The following OTOF variants were observed in gnomAD, a reference collection of about 807,000 sequenced individuals.
The protein encoded by OTOF is otoferlin, also known as fer-1-like family member 2.
A neutral mutation model predicts 236.8 loss-of-function variants in OTOF; 218 were observed. That is an observed-to-expected ratio of 0.92 (90% CI 0.82 to 1.03). OTOF has a LOEUF of 1.03. OTOF is among the 50% of genes least tolerant of loss of function. The pLI, the probability that OTOF is intolerant of heterozygous loss-of-function variation, is 0.00. For synonymous variants in OTOF, 1,041 were observed against 1,072.5 expected, an observed-to-expected ratio of 0.97 and a Z score of 0.57; for missense variants, 2,590 against 2,694.4, an observed-to-expected ratio of 0.96 and a Z score of 0.86.
chr2:26,521,975 G>C (rs371062100), intron 3 of OTOF, among the ~76,000 whole-genome samples: 2 of 152,152 alleles, frequency 1.3e-5, no homozygotes, highest in East Asian at 3.9e-4. Context: ...TGGCCATCTG[G>C]AGAGCCTACA....
chr2:26,475,814 G>T lies in OTOF; in HGVS notation c.2991+100C>A, dbSNP rs6712188. On this transcript the variant is annotated intron_variant, in intron 24 of 46. Transcript: ENST00000272371. ...GGCACTGGCTGACCTGTGGCTCCAGGCCCCACAGGCTCACAGGCCCCACAG... is the reference window on the plus strand; with the variant it reads ...GGCACTGGCTGACCTGTGGCTCCAGTCCCCACAGGCTCACAGGCCCCACAG... 0.41 allele frequency: 594,610 copies of T among 1,455,304 alleles called. 128,516 individuals carry two copies. The highest frequency in any genetic ancestry group is 0.83 in the East Asian group (33,450 of 40,256). 90.1% of individuals were successfully genotyped at this position (1,455,304 alleles called of 1,614,324 possible).
At position 26,476,928 on chromosome 2, in the gene OTOF, C is replaced by T; in HGVS notation, c.2639G>A (p.Gly880Asp). Residue 880 changes from glycine to aspartate, a missense_variant, in exon 22 of 47, where the codon GGC (glycine) becomes GAC (aspartate). By Grantham distance (94) the Gly-to-Asp change is moderately conservative (BLOSUM62 -1). This residue lies in a region of OTOF where 1,379 missense variants were observed against 1,341.6 expected (regional missense o/e 1.03). Coordinates refer to ENST00000272371, the MANE Select transcript of OTOF (RefSeq NM_194248.3). ...LLFSIVEEET[G>D]KDCAKVKTLF... The stretch of plus-strand genomic sequence containing the variant: ...CGTCTTGACCTTGGCGCAGTCCTTG[C>T]CAGTCTCCTCCTCCACGATGGAGAA... 1 of 1,611,440 alleles carries T rather than the reference C, an allele frequency of 6.2e-7. No individual in the cohort carries two copies. Among genetic ancestry groups the T allele is most frequent in the Non-Finnish European group, 8.5e-7 (1 of 1,179,656 alleles).
rs753080614 is a variant in OTOF at position 26,473,153 on chromosome 2, C to T, written c.3712G>A (p.Ala1238Thr). 4.3e-6 allele frequency: 7 copies of T among 1,612,408 alleles called. 1 individual carries two copies. The South Asian group carries it at 5.5e-5, about 13-fold the overall frequency. ...ATACCCGTGGTGTTCCAGCTGGGGG[C>T]CGAGCGGTCTGGGGGCCGGTAGATG... ...RFIYRPPDRS[A>T]PSWNTTVRLL... The change falls in exon 29 of 47, where the codon GCC becomes ACC. Residue 1238 changes from alanine (A) to threonine (T), a missense_variant. This residue lies in a region of OTOF where 1,211 missense variants were observed against 1,352.8 expected (regional missense o/e 0.90). Coordinates refer to ENST00000272371, the MANE Select transcript of OTOF (RefSeq NM_194248.3). The surrounding 1 kb of genome is among the most constrained non-coding windows in gnomAD (Gnocchi z 7.2).
At chr2:26,497,375 G>C (rs1350420431) in intron 8 of OTOF, among the ~76,000 whole-genome samples, 1 of 152,128 alleles carries the variant, frequency 6.6e-6, no homozygotes, top group Non-Finnish European at 1.5e-5. Context: ...AATTACAGGC[G>C]TGAGCCACTG....
chr2:26,474,394 G>T, intron 26 of OTOF, 119 bp downstream of exon 26: 1 of 150,292 alleles, frequency 6.7e-6, no homozygotes, highest in Non-Finnish European at 1.2e-5. Flanking sequence ...CCAGCCCCCA[G>T]GCCCCACCCC....
rs1312224602 is a variant in OTOF, at chr2:26,519,763, G to A, written c.228-654C>T. ...AACTTCCTTAAGCTCTCTCAGTGTC[G>A]GTTTTCTCATAAGATGAGCTGATAA... On this transcript the variant is annotated intron_variant, in intron 3 of 46. Transcript: ENST00000272371. Among the ~76,000 whole-genome samples the A allele has an allele frequency of 3.3e-5, 5 of 152,132 alleles. No individual in the cohort carries two copies. The South Asian group carries it at 6.2e-4, about 19-fold the overall frequency.
At chr2:26,522,233 A>T (rs1666694387) in intron 3 of OTOF, among the ~76,000 whole-genome samples, 1 of 152,362 alleles carries the variant, frequency 6.6e-6, no homozygotes, top group South Asian at 2.1e-4. Context: ...ATATTTTTTG[A>T]CATGGACAAT....
Position 26,477,693 on chromosome 2 carries a change from C to G in OTOF, c.2271G>C (p.Glu757Asp). 6.2e-7 allele frequency: 1 copy of G among 1,612,700 alleles called. No homozygotes were observed. Among genetic ancestry groups the G allele is most frequent in the Non-Finnish European group, 8.5e-7 (1 of 1,179,988 alleles). ...EMIKTEKSYPERRLRGVLEEL... is the reference protein window; with the variant it reads ...EMIKTEKSYPDRRLRGVLEEL... The stretch of plus-strand genomic sequence containing the variant: ...CCTCCAGGACGCCCCGCAGGCGACG[C>G]TCAGGGTAGGACTTCTCCGTTTTGA... The change falls in exon 19 of 47, where the codon GAG becomes GAC. Residue 757 changes from glutamate to aspartate, a missense_variant. By Grantham distance (45) the Glu-to-Asp change is conservative. This residue lies in a region of OTOF where 1,379 missense variants were observed against 1,341.6 expected (regional missense o/e 1.03). Transcript: ENST00000272371. This position sits in a 1 kb window ranked among gnomAD's most constrained non-coding sequence, Gnocchi z 4.7.
chr2:26,471,126 C>T lies in OTOF; in HGVS notation c.3889G>A (p.Asp1297Asn). 23 of 1,614,116 alleles carry T rather than the reference C, an allele frequency of 1.4e-5. No homozygotes were observed. Among genetic ancestry groups the T allele is most frequent in the Non-Finnish European group, 1.9e-5 (22 of 1,180,012 alleles). ...TGCATGGCCCCCACACTCACCACATCCACCTTGACAACAGCTTCAGAAGTC... is the reference window on the plus strand; with the variant it reads ...TGCATGGCCCCCACACTCACCACATTCACCTTGACAACAGCTTCAGAAGTC... ...DATSEAVVKV[D>N]VAEEEKEKKK... The change falls in exon 31 of 47, where the codon GAT (aspartate) becomes AAT (asparagine). Residue 1297 changes from aspartate to asparagine, a missense_variant. Physicochemically the swap from Asp to Asn is conservative, Grantham distance 23. Transcript: ENST00000272371.
At position 26,473,956 on chromosome 2, in the gene OTOF, A is replaced by C; in HGVS notation, c.3408+35T>G. 1 of 1,612,498 alleles carries C rather than the reference A, an allele frequency of 6.2e-7. No individual in the cohort carries two copies. Among genetic ancestry groups the C allele is most frequent in the Non-Finnish European group, 8.5e-7 (1 of 1,179,748 alleles). The stretch of plus-strand genomic sequence containing the variant: ...CCCCTCCTGGGTCCTCAGACTCCTC[A>C]TCCAAAAGGGAAGGGCCACACAGAG... On this transcript the variant is annotated intron_variant, in intron 27 of 46. Coordinates refer to ENST00000272371, the MANE Select transcript of OTOF (RefSeq NM_194248.3). This position sits in a 1 kb window ranked among gnomAD's most constrained non-coding sequence, Gnocchi z 7.2.
In OTOF at chr2:26,466,850, C is replaced by A; in HGVS notation, c.4364G>T (p.Gly1455Val). Residue 1455 changes from glycine (G) to valine (V), a missense_variant and splice_region_variant, in exon 36 of 47, where the codon GGC becomes GTC. Gly to Val is a moderately radical substitution (Grantham distance 109, BLOSUM62 -3). This residue lies in a region of OTOF where 1,211 missense variants were observed against 1,352.8 expected (regional missense o/e 0.90). Transcript: ENST00000272371. ...EEERIVGRFK[G>V]SLCVYKVPLP... ...TGGCACTTTGTACACGCAGAGGGAGCCCTGGGCAAGACAAATGTGGGTCAG... is the reference window on the plus strand; with the variant it reads ...TGGCACTTTGTACACGCAGAGGGAGACCTGGGCAAGACAAATGTGGGTCAG... 6.2e-7 allele frequency: 1 copy of A among 1,614,160 alleles called. No homozygotes were observed. Among genetic ancestry groups the A allele is most frequent in the Non-Finnish European group, 8.5e-7 (1 of 1,180,026 alleles).
chr2:26,542,553 G>C (rs770225920), intron 1 of OTOF, among the ~76,000 whole-genome samples: 1 of 152,194 alleles, frequency 6.6e-6, no homozygotes, highest in East Asian at 1.9e-4. Flanking sequence ...AGAGGCACAC[G>C]CATTGACGCT....
At position 26,473,568 on chromosome 2, in the gene OTOF, C is replaced by G. The variant is rs541334347; in HGVS notation, c.3409-1G>C. 1.1e-5 allele frequency: 18 copies of G among 1,602,394 alleles called. No individual in the cohort carries two copies. Among genetic ancestry groups the G allele is most frequent in the Non-Finnish European group, 1.5e-5 (18 of 1,176,432 alleles). On this transcript the variant is annotated splice_acceptor_variant, in intron 27 of 46. Coordinates refer to ENST00000272371, the MANE Select transcript of OTOF (RefSeq NM_194248.3). LOFTEE classifies it high-confidence loss of function. The surrounding 1 kb of genome is among the most constrained non-coding windows in gnomAD (Gnocchi z 7.2). ...GGTCCCGTAGGCCCCAGAACAGCAC[C>G]TGGGAGAGGTTGGAGGGTGGGTGCA...
At position 26,510,616 on chromosome 2, in the gene OTOF, G is replaced by T. The variant is rs904642782; in HGVS notation, c.509+5802C>A. 5.9e-6 allele frequency: 5 copies of T among 845,624 alleles called. No homozygotes were observed. The African/African-American group carries it at 7.0e-5, about 12-fold the overall frequency. 52.4% of individuals were successfully genotyped at this position (845,624 alleles called of 1,614,324 possible). ...AGCCCACTCCTGAGCCCTCTCAGCC[G>T]AGCCCATCCCGCCCTCCACAGCCTG... On this transcript the variant is annotated intron_variant, in intron 5 of 46. Coordinates refer to ENST00000272371, the MANE Select transcript of OTOF (RefSeq NM_194248.3).
rs10207965 is a variant in OTOF at position 26,535,853 on chromosome 2, C to T, written c.138+1863G>A. On this transcript the variant is annotated intron_variant, in intron 2 of 46. Coordinates refer to ENST00000272371, the MANE Select transcript of OTOF (RefSeq NM_194248.3). ...GGCTGGGCGGAGTTGGGAAGAGGAA[C>T]GACATGGTGATTAACTTTGAATGTC... 3.8e-3 allele frequency among the ~76,000 whole-genome samples: 584 copies of T among 152,284 alleles called. 5 individuals are homozygous for T. Among genetic ancestry groups the T allele is most frequent in the African/African-American group, 0.013 (559 of 41,556 alleles).
Position 26,463,507 on chromosome 2 carries a change from T to C in OTOF, c.5168A>G (p.Asp1723Gly). ...CTTCTTGGGCTTCCGAGGTGAGATGTCCAGAGGCGTCCCAGGGGCTGGCAT... is the reference window on the plus strand; with the variant it reads ...CTTCTTGGGCTTCCGAGGTGAGATGCCCAGAGGCGTCCCAGGGGCTGGCAT... ...MDMPAPGTPL[D>G]ISPRKPKKYE... The change falls in exon 41 of 47, where the codon GAC (aspartate) becomes GGC (glycine). Residue 1723 changes from aspartate (D) to glycine (G), a missense_variant. Physicochemically the swap from Asp to Gly is moderately conservative, Grantham distance 94. Transcript: ENST00000272371. 1 of 1,607,628 alleles carries C rather than the reference T, an allele frequency of 6.2e-7. No individual in the cohort carries two copies. The highest frequency in any genetic ancestry group is 8.5e-7 in the Non-Finnish European group (1 of 1,177,418).
chr2:26,457,784 G>C lies in OTOF; in HGVS notation c.*454C>G, dbSNP rs1572393881. 1 of 514,610 alleles carries C rather than the reference G, an allele frequency of 1.9e-6. No homozygotes were observed. The highest frequency in any genetic ancestry group is 1.9e-5 in the African/African-American group (1 of 52,368). 31.9% of individuals were successfully genotyped at this position (514,610 alleles called of 1,614,324 possible). A position where few individuals can be genotyped will look rare whatever the true frequency, so the allele number is the denominator to read the frequency against. On this transcript the variant is annotated 3_prime_UTR_variant, in exon 47 of 47. Transcript: ENST00000272371. This position sits in a 1 kb window ranked among gnomAD's most constrained non-coding sequence, Gnocchi z 4.4. ...GTGGCGCCTCAGCCAGGTGGGGCAA[G>C]AGAGACCCATTCCAGGTCCCCACCC...
chr2:26,481,865 G>C (rs1278411373), intron 14 of OTOF, among the ~76,000 whole-genome samples: 4 of 152,008 alleles, frequency 2.6e-5, no homozygotes, highest in Non-Finnish European at 5.9e-5. Context: ...TGTGTCTTCT[G>C]CCTTATGTTT....
At position 26,462,194 on chromosome 2, in the gene OTOF, A is replaced by G; in HGVS notation, c.5193-13T>C. ...CCGCAGCTCGTACCTGGGCCCAGGG[A>G]GAGAAGGCTGGTTAGCAGCCCCAGG... On this transcript the variant is annotated splice_polypyrimidine_tract_variant and intron_variant, in intron 41 of 46. Transcript: ENST00000272371. The surrounding 1 kb of genome is among the most constrained non-coding windows in gnomAD (Gnocchi z 4.7). The G allele has an allele frequency of 6.2e-7, 1 of 1,612,354 alleles. No homozygotes were observed. The highest frequency in any genetic ancestry group is 8.5e-7 in the Non-Finnish European group (1 of 1,178,616).
Sources: gnomAD v4.1 joint callset for allele counts (sites outside exome capture counted in the v4.1 genomes callset) on GRCh38, gnomAD v4.1.1 for gene constraint, gnomAD v4.1.1 regional missense constraint, Gnocchi (gnomAD v3.1) non-coding constraint, MANE v1.5 for transcripts, NCBI Gene and HGNC (gene_info 2026-07-23, HGNC 2026-07-21) for gene names.